Variants in ZPBP observed in about 807,000 individuals in gnomAD.
ZPBP encodes zona pellucida-binding protein 1.
Under a neutral mutation model 44.8 loss-of-function variants are expected in ZPBP, and 26 were observed. That is an observed-to-expected ratio of 0.58 (90% CI 0.43 to 0.81). The LOEUF (loss-of-function observed/expected upper bound fraction) is 0.81. Ranked by LOEUF, ZPBP falls within the 30% of genes least tolerant of loss-of-function variation. The pLI, the probability that ZPBP is intolerant of heterozygous loss-of-function variation, is 0.00. For missense variants in ZPBP, 409 were observed against 434.0 expected (o/e 0.94, Z 0.51); for synonymous variants, 174 against 153.2 (o/e 1.14, Z -1.00).
chr7:49,945,776 T>C (rs1005456155), intron 7 of ZPBP, among the ~76,000 whole-genome samples: 9 of 152,262 alleles, frequency 5.9e-5, no homozygotes, highest in African/African-American at 2.2e-4. Context: ...TTGGGTCTTG[T>C]GTTTTTATCC....
At chr7:49,844,437 G>T in the ZPBP span, among the ~76,000 whole-genome samples, 1 of 152,154 alleles carries the variant, frequency 6.6e-6, no homozygotes, top group Admixed American at 6.5e-5. Context: ...AGATATGAAA[G>T]CTTCTAAAAT....
chr7:49,895,577 T>G (rs1792345076), intron 2 of ZPBP, among the ~76,000 whole-genome samples: 1 of 152,174 alleles, frequency 6.6e-6, no homozygotes, highest in Admixed American at 6.5e-5. Flanking sequence ...CTATAGCAAT[T>G]TCAAAATTAA....
chr7:50,057,274 G>C (rs1800992479), intron 4 of ZPBP, among the ~76,000 whole-genome samples: 1 of 151,874 alleles, frequency 6.6e-6, no homozygotes, highest in Non-Finnish European at 1.5e-5. Context: ...GCAGACTTGG[G>C]GGATATGCCT....
At chr7:50,033,162 T>C (rs1052339963) in intron 4 of ZPBP, among the ~76,000 whole-genome samples, 1 of 152,002 alleles carries the variant, frequency 6.6e-6, no homozygotes, top group Non-Finnish European at 1.5e-5. Flanking sequence ...GAAAGCAAAA[T>C]CAAAACATTT....
intron 2 of ZPBP, among the ~76,000 whole-genome samples, chr7:49,867,820 AT>A (rs1338501825): frequency 3.4e-5 from 5 of 145,248 alleles, no homozygotes; most frequent in Non-Finnish European, 6.0e-5. Context: ...ATTATTTTCT[AT>A]TTTTTATTTT....
chr7:49,906,881 C>T (rs962289048), intron 1 of ZPBP, among the ~76,000 whole-genome samples: 6 of 152,108 alleles, frequency 3.9e-5, no homozygotes, highest in Non-Finnish European at 5.9e-5. Context: ...ACAGGCTTTA[C>T]TAATCAATTC....
chr7:50,089,189 T>A (rs1802819825), intron 2 of ZPBP, among the ~76,000 whole-genome samples: 1 of 152,072 alleles, frequency 6.6e-6, no homozygotes, highest in African/African-American at 2.4e-5. Context: ...TAAAAACAAT[T>A]GAATTGTGCA....
intron 3 of ZPBP, among the ~76,000 whole-genome samples, chr7:50,059,666 T>C (rs756902794): frequency 5.9e-5 from 9 of 152,168 alleles, no homozygotes; most frequent in Non-Finnish European, 1.0e-4. Flanking sequence ...ATCAATGAGA[T>C]TACATATTCC....
At chr7:49,850,088 T>C (rs1790116307), downstream of ZPBP, among the ~76,000 whole-genome samples, 4 of 152,108 alleles carry the variant, frequency 2.6e-5, no homozygotes, top group Admixed American at 2.0e-4. Flanking sequence ...AACATGTTGC[T>C]GTAGAAAAAC....
intron 7 of ZPBP, among the ~76,000 whole-genome samples, chr7:49,980,950 T>C (rs1356703988): frequency 6.6e-6 from 1 of 151,726 alleles, no homozygotes; most frequent in African/African-American, 2.4e-5. Context: ...TGACTATTCC[T>C]TTTACTTTGT....
chr7:49,960,140 C>T (rs569206103), intron 7 of ZPBP, among the ~76,000 whole-genome samples: 1 of 152,156 alleles, frequency 6.6e-6, no homozygotes, highest in African/African-American at 2.4e-5. Flanking sequence ...AACACAGAGG[C>T]CGGGCGCGGT....
intron 2 of ZPBP, among the ~76,000 whole-genome samples, chr7:50,084,268 G>A (rs1328830954): frequency 1.3e-5 from 2 of 150,950 alleles, no homozygotes; most frequent in African/African-American, 4.9e-5. Context: ...CAAAGTTAGT[G>A]AGAATGAGAA....
chr7:50,085,625 G>A (rs1369573611), intron 2 of ZPBP, among the ~76,000 whole-genome samples: 1 of 152,072 alleles, frequency 6.6e-6, no homozygotes, highest in Admixed American at 6.6e-5. Flanking sequence ...TCGTATTAAA[G>A]GCTGCCCGTA....
At chr7:49,925,462 T>C (rs1794201484) in intron 1 of ZPBP, among the ~76,000 whole-genome samples, 1 of 152,152 alleles carries the variant, frequency 6.6e-6, no homozygotes, top group Non-Finnish European at 1.5e-5. Flanking sequence ...GTCCATGCTA[T>C]TGGGTGCATA....
rs202118357 is a variant in ZPBP at position 50,090,238 on chromosome 7, A to AC, written c.128-530dup. ...CCCAATTTGTAGTCTTTTATCCCTC[A>AC]CCCCCATCCCACCGTTTCTCCCACC... On this transcript the variant is annotated intron_variant, in intron 1 of 7. Transcript: ENST00000046087. Among the ~76,000 whole-genome samples the AC allele has an allele frequency of 3.5e-3, 535 of 151,214 alleles. 2 individuals are homozygous for AC. The highest frequency in any genetic ancestry group is 0.012 in the African/African-American group (512 of 41,164).
downstream of ZPBP, among the ~76,000 whole-genome samples, chr7:49,846,146 T>C (rs1187822317): frequency 6.6e-6 from 1 of 152,198 alleles, no homozygotes; most frequent in Non-Finnish European, 1.5e-5. Flanking sequence ...AGCAAGTCAA[T>C]AGAGCCAACC....
chr7:49,952,993 A>G (rs1795412997), intron 7 of ZPBP, among the ~76,000 whole-genome samples: 1 of 152,138 alleles, frequency 6.6e-6, no homozygotes, highest in Non-Finnish European at 1.5e-5. Flanking sequence ...GGCTTTCAAA[A>G]CATTAGTTAT....
chr7:49,906,502 AT>A (rs1338899347), intron 1 of ZPBP, among the ~76,000 whole-genome samples: 1 of 151,792 alleles, frequency 6.6e-6, no homozygotes, highest in African/African-American at 2.4e-5. Flanking sequence ...CACCCAGCTA[AT>A]TTTTTTGTAT....
intron 3 of ZPBP, among the ~76,000 whole-genome samples, chr7:50,080,729 TACGCCTGGATC>T (rs1302699889): frequency 1.3e-5 from 2 of 151,848 alleles, no homozygotes; most frequent in Admixed American, 6.6e-5. Context: ...TGGGTGCTTT[TACGCCTGGATC>T]ACTTCTCTGA....
Sources: gnomAD v4.1 joint callset for allele counts (sites outside exome capture counted in the v4.1 genomes callset) on GRCh38, gnomAD v4.1.1 for gene constraint, MANE v1.5 for transcripts, NCBI Gene and HGNC (gene_info 2026-07-23, HGNC 2026-07-21) for gene names.